Variants in RAPGEF5 observed in about 807,000 individuals in gnomAD.
RAPGEF5 encodes Rap guanine nucleotide exchange factor 5.
In RAPGEF5, 65 loss-of-function variants were observed where a neutral mutation model predicts 125.2. That is an observed-to-expected ratio of 0.52 (90% confidence interval 0.43 to 0.64). RAPGEF5 has a LOEUF of 0.64. Among genes scored for constraint, RAPGEF5 ranks in the 30% least tolerant of loss-of-function variants. RAPGEF5 has a pLI of 0.00. For synonymous variants in RAPGEF5, 391 were observed against 385.9 expected (o/e 1.01, Z -0.16); for missense variants, 958 against 1,048.1 (o/e 0.91, Z 1.19).
rs1782527272 is a variant in RAPGEF5, at chr7:22,119,709, T to C, written c.*2697A>G. 1.3e-5 allele frequency: 2 copies of C among 152,184 alleles called. No individual in the cohort carries two copies. The highest frequency in any genetic ancestry group is 1.3e-4 in the Admixed American group (2 of 15,288). The allele number at this position is 152,184 out of a possible 1,614,324, so 9.4% of individuals were successfully genotyped here. On this transcript the variant is annotated 3_prime_UTR_variant, in exon 26 of 26. Transcript: ENST00000665637. The surrounding 1 kb of genome is among the most constrained non-coding windows in gnomAD (Gnocchi z 4.1). ...CCACCTGGTGCCGAAGGTGCCAGATTACGTAAGATTTGCAGAGTGAGCGAA... is the reference window on the plus strand; with the variant it reads ...CCACCTGGTGCCGAAGGTGCCAGATCACGTAAGATTTGCAGAGTGAGCGAA...
At chr7:22,127,765 T>C (rs1344833486) in intron 24 of RAPGEF5, among the ~76,000 whole-genome samples, 1 of 152,202 alleles carries the variant, frequency 6.6e-6, no homozygotes, top group South Asian at 2.1e-4. Flanking sequence ...CAATGAATTA[T>C]TGCTGAAAGA....
chr7:22,152,058 A>G (rs1203007256), intron 17 of RAPGEF5, among the ~76,000 whole-genome samples: 1 of 152,242 alleles, frequency 6.6e-6, no homozygotes, highest in Non-Finnish European at 1.5e-5. Context: ...AACTTCTCCT[A>G]AGGTAGCTGT....
chr7:22,145,451 A>T (rs562064768), intron 19 of RAPGEF5, among the ~76,000 whole-genome samples: 2 of 152,352 alleles, frequency 1.3e-5, no homozygotes, highest in East Asian at 3.9e-4. Context: ...TTCAGAATGT[A>T]AGGAAGACAT....
Position 22,160,659 on chromosome 7 carries a change from T to C in RAPGEF5, c.1429-44A>G, listed in dbSNP as rs1475298655. ...TGAGAGCTCAGTGGTTGAATGCCCA[T>C]TTTGTAGGGATTAAGACTCATACCA... On this transcript the variant is annotated intron_variant, in intron 13 of 25. Coordinates refer to ENST00000665637, the MANE Select transcript of RAPGEF5 (RefSeq NM_012294.5). 11 of 1,501,746 alleles carry C rather than the reference T, an allele frequency of 7.3e-6. No homozygotes were observed. The Admixed American group carries it at 2.1e-4, about 28-fold the overall frequency. 93.0% of individuals were successfully genotyped at this position (1,501,746 alleles called of 1,614,324 possible).
intron 12 of RAPGEF5, among the ~76,000 whole-genome samples, chr7:22,165,865 G>A (rs1308536957): frequency 6.6e-6 from 1 of 151,688 alleles, no homozygotes; most frequent in African/African-American, 2.4e-5. Context: ...ATCTAAACTG[G>A]AGAGCAGTAG....
chr7:22,135,636 G>T (rs544958515), intron 23 of RAPGEF5, among the ~76,000 whole-genome samples: 1 of 152,280 alleles, frequency 6.6e-6, no homozygotes, highest in South Asian at 2.1e-4. Flanking sequence ...CAAATTGTGG[G>T]CTGCGTCTCT....
chr7:22,179,897 C>T (rs756547575), intron 11 of RAPGEF5, among the ~76,000 whole-genome samples: 1 of 152,258 alleles, frequency 6.6e-6, no homozygotes, highest in African/African-American at 2.4e-5. Flanking sequence ...AATAACCCAC[C>T]CCTTGTTTAT....
intron 1 of RAPGEF5, 137 bp downstream of exon 1, chr7:22,356,693 T>A: frequency 2.6e-6 from 1 of 384,304 alleles, no homozygotes; most frequent in South Asian, 1.1e-4. Context: ...GGGCCCCTCT[T>A]CAGCCGAGTC....
At chr7:22,133,749 T>C (rs1217169993) in intron 23 of RAPGEF5, among the ~76,000 whole-genome samples, 3 of 152,202 alleles carry the variant, frequency 2.0e-5, no homozygotes, top group Non-Finnish European at 4.4e-5. Flanking sequence ...CTTAGATCCT[T>C]AGCTCAGCTG....
At chr7:22,177,591 T>G (rs1378683139) in intron 11 of RAPGEF5, among the ~76,000 whole-genome samples, 1 of 152,220 alleles carries the variant, frequency 6.6e-6, no homozygotes, top group Non-Finnish European at 1.5e-5. Flanking sequence ...GTGCTAATGA[T>G]AATCACGGAA....
At chr7:22,207,128 C>T (rs535838193) in intron 9 of RAPGEF5, among the ~76,000 whole-genome samples, 1 of 152,174 alleles carries the variant, frequency 6.6e-6, no homozygotes, top group Admixed American at 6.6e-5. Flanking sequence ...ATAGTTTCTC[C>T]TACTCAAAAT....
At chr7:22,159,830 C>T (rs1048975637) in intron 14 of RAPGEF5, among the ~76,000 whole-genome samples, 9 of 6,970 alleles carry the variant, frequency 1.3e-3, no homozygotes, top group Admixed American at 5.6e-3. Context: ...CTCCACAGGC[C>T]GGGTGTGGTG....
intron 8 of RAPGEF5, among the ~76,000 whole-genome samples, chr7:22,227,714 C>T (rs1331334072): frequency 6.6e-6 from 1 of 152,008 alleles, no homozygotes; most frequent in Non-Finnish European, 1.5e-5. Flanking sequence ...TGGTGGTGTG[C>T]ACCTGTTGTC....
At chr7:22,149,380 C>A (rs532419031) in intron 18 of RAPGEF5, among the ~76,000 whole-genome samples, 8 of 152,318 alleles carry the variant, frequency 5.3e-5, no homozygotes, top group African/African-American at 1.9e-4. Flanking sequence ...AAAGACCCGC[C>A]CCAGCGATGG....
chr7:22,142,185 A>G (rs939972019), intron 20 of RAPGEF5, among the ~76,000 whole-genome samples: 2 of 152,170 alleles, frequency 1.3e-5, no homozygotes, highest in African/African-American at 2.4e-5. Context: ...TCACCTTAGG[A>G]TATGATGGAG....
chr7:22,231,340 T>C (rs1786051139), intron 7 of RAPGEF5, among the ~76,000 whole-genome samples: 1 of 152,176 alleles, frequency 6.6e-6, no homozygotes, highest in Non-Finnish European at 1.5e-5. Flanking sequence ...TATTTATATC[T>C]GGGTTGCTCA....
At chr7:22,340,523 C>T (rs1784105581) in intron 1 of RAPGEF5, among the ~76,000 whole-genome samples, 1 of 152,222 alleles carries the variant, frequency 6.6e-6, no homozygotes, top group Admixed American at 6.5e-5. Context: ...ACAGGGAGAA[C>T]ATTCACTCTA....
In RAPGEF5 at chr7:22,154,458, C is replaced by T. The variant is rs776037519; in HGVS notation, c.1783G>A (p.Gly595Arg). The change falls in exon 17 of 26, where the codon GGG (glycine) becomes AGG (arginine). Residue 595 changes from glycine to arginine, a missense_variant. Transcript: ENST00000665637. ...DLALVAITFSGEKHELQPNDL... is the reference protein window; with the variant it reads ...DLALVAITFSREKHELQPNDL... ...TCAAGGGTAGAAAACAACTTACCCC[C>T]AGAGAATGTGATGGCCACCAGAGCC... is the stretch of plus-strand genomic sequence containing the variant. The T allele has an allele frequency of 8.1e-6, 13 of 1,613,436 alleles. No homozygotes were observed. The highest frequency in any genetic ancestry group is 1.6e-4 in the Middle Eastern group (1 of 6,078).
At chr7:22,197,896 G>GGA (rs1554327510) in intron 9 of RAPGEF5, among the ~76,000 whole-genome samples, 1 of 146,360 alleles carries the variant, frequency 6.8e-6, no homozygotes, top group Admixed American at 6.8e-5. Flanking sequence ...TTTTTTTTGG[G>GGA]GGGGGGTGGT....
Sources: allele counts gnomAD v4.1 joint callset (sites outside exome capture counted in the v4.1 genomes callset), GRCh38; gene constraint gnomAD v4.1.1; non-coding constraint Gnocchi (gnomAD v3.1); transcripts MANE v1.5; gene names NCBI Gene and HGNC (gene_info 2026-07-23, HGNC 2026-07-21).